Variants in C17orf67 observed in about 807,000 individuals in gnomAD.
C17orf67 encodes the protein uncharacterized protein C17orf67.
Under a neutral mutation model 11.2 loss-of-function variants are expected in C17orf67, and 12 were observed. The observed-to-expected ratio is 1.07, with a 90% CI of 0.68 to 1.73. The LOEUF (loss-of-function observed/expected upper bound fraction) is 1.73. C17orf67 is among the 40% of genes most tolerant of loss of function. The pLI is 0.00. For missense variants in C17orf67, 115 were observed against 113.5 expected (o/e 1.01, Z -0.06); for synonymous variants, 59 against 46.9 (o/e 1.26, Z -1.05).
At chr17:56,809,908 T>TACACACACCCTC (rs1905564654) in intron 6 of C17orf67, among the ~76,000 whole-genome samples, 1 of 81,464 alleles carries the variant, frequency 1.2e-5, no homozygotes, top group African/African-American at 4.9e-5. Context: ...CACACACCCT[T>TACACACACCCTC]ACACACACCC....
intron 6 of C17orf67, among the ~76,000 whole-genome samples, chr17:56,801,538 C>G (rs1191551451): frequency 2.0e-5 from 3 of 151,906 alleles, no homozygotes. Context: ...TTTCTTTCCC[C>G]CAAGACCCAT....
chr17:56,817,310 CTAA>C (rs1295354151), intron 4 of C17orf67, among the ~76,000 whole-genome samples: 3 of 152,132 alleles, frequency 2.0e-5, no homozygotes, highest in Non-Finnish European at 2.9e-5. Context: ...CAAATTTATG[CTAA>C]TGTGTAACTG....
At chr17:56,821,109 A>C (rs1413767975) in intron 4 of C17orf67, among the ~76,000 whole-genome samples, 1 of 151,916 alleles carries the variant, frequency 6.6e-6, no homozygotes, top group African/African-American at 2.4e-5. Context: ...TTATTTTAGA[A>C]ACAGGGTCTT....
In C17orf67 at chr17:56,825,239, A is replaced by G. The variant is rs552322075; in HGVS notation, c.-474T>C. On this transcript the variant is annotated 5_prime_UTR_variant, in exon 3 of 8. Coordinates refer to ENST00000397861, the MANE Select transcript of C17orf67 (RefSeq NM_001085430.4). ...CCCTAAATGGTTGAAGAGCATCACA[A>G]ACTTTGGCATCAGATAAACCTAAGT... is the stretch of plus-strand genomic sequence containing the variant. 2.6e-5 allele frequency: 4 copies of G among 152,190 alleles called. No individual in the cohort carries two copies. The East Asian group carries it at 5.8e-4, about 22-fold the overall frequency. The allele number at this position is 152,190 out of a possible 1,614,324, so 9.4% of individuals were successfully genotyped here. A position where few individuals can be genotyped will look rare whatever the true frequency, so the allele number is the denominator to read the frequency against.
At chr17:56,796,340 A>G (rs917588196) in intron 6 of C17orf67, among the ~76,000 whole-genome samples, 2 of 152,246 alleles carry the variant, frequency 1.3e-5, no homozygotes, top group Non-Finnish European at 2.9e-5. Context: ...CTACTTCCAT[A>G]TAATGGAATA....
chr17:56,799,856 ATCT>A (rs1905278005), intron 6 of C17orf67, among the ~76,000 whole-genome samples: 1 of 152,062 alleles, frequency 6.6e-6, no homozygotes, highest in African/African-American at 2.4e-5. Flanking sequence ...CCATCTGTAT[ATCT>A]TCTTCAGTAG....
intron 2 of C17orf67, 107 bp downstream of exon 2, chr17:56,832,791 T>C (rs1374174584): frequency 6.6e-6 from 1 of 152,222 alleles, no homozygotes; most frequent in East Asian, 1.9e-4. Context: ...AAAATCTGCT[T>C]TACCACTTTT....
chr17:56,805,215 C>T (rs895417554), intron 6 of C17orf67, among the ~76,000 whole-genome samples: 1 of 152,148 alleles, frequency 6.6e-6, no homozygotes, highest in African/African-American at 2.4e-5. Flanking sequence ...CTCTCAAAAA[C>T]GACATCATTT....
intron 2 of C17orf67, among the ~76,000 whole-genome samples, chr17:56,831,895 A>G (rs1906213545): frequency 6.6e-6 from 1 of 152,180 alleles, no homozygotes; most frequent in Admixed American, 6.5e-5. Flanking sequence ...TTCAGCAAAA[A>G]GGATCGGGTC....
intron 4 of C17orf67, among the ~76,000 whole-genome samples, chr17:56,818,320 A>G (rs1042655005): frequency 7.9e-5 from 12 of 152,224 alleles, no homozygotes; most frequent in Admixed American, 2.6e-4. Context: ...AACAAAATCT[A>G]TACTTAGCTA....
intron 6 of C17orf67, among the ~76,000 whole-genome samples, chr17:56,805,192 GC>G (rs539696734): frequency 2.0e-4 from 30 of 152,298 alleles, no homozygotes; most frequent in African/African-American, 7.2e-4. Context: ...CTAGGGGGAG[GC>G]ACCAGAAAGG....
At chr17:56,819,734 G>A (rs1204605465) in intron 4 of C17orf67, among the ~76,000 whole-genome samples, 1 of 152,132 alleles carries the variant, frequency 6.6e-6, no homozygotes, top group African/African-American at 2.4e-5. Context: ...TCACTCAGGC[G>A]GTGAGAATTC....
chr17:56,833,572 A>G (rs974059405), intron 1 of C17orf67, 46 bp downstream of exon 1: 1 of 150,544 alleles, frequency 6.6e-6, no homozygotes, highest in African/African-American at 2.4e-5. Flanking sequence ...GCCGCTCCGC[A>G]GCGGAGGAGC....
chr17:56,796,916 C>T (rs1158075179), intron 6 of C17orf67, among the ~76,000 whole-genome samples: 3 of 151,824 alleles, frequency 2.0e-5, no homozygotes, highest in Non-Finnish European at 4.4e-5. Flanking sequence ...AAGCCTTCAC[C>T]AGTGCTGTCT....
At chr17:56,821,698 G>A (rs537299881) in intron 4 of C17orf67, among the ~76,000 whole-genome samples, 1 of 152,332 alleles carries the variant, frequency 6.6e-6, no homozygotes, top group South Asian at 2.1e-4. Flanking sequence ...CAGGCATACT[G>A]TGCAGACATA....
intron 6 of C17orf67, among the ~76,000 whole-genome samples, chr17:56,811,488 T>G (rs1905624078): frequency 6.6e-6 from 1 of 152,000 alleles, no homozygotes. Context: ...ACTCTCTTCT[T>G]GCAGAGCCGC....
At chr17:56,817,856 A>ATT (rs11412722) in intron 4 of C17orf67, among the ~76,000 whole-genome samples, 42,305 of 149,090 alleles carry the variant, frequency 0.28, 6,645 homozygotes, top group Non-Finnish European at 0.37. Context: ...ATTTTAGAGC[A>ATT]TTTTTTTTTT....
chr17:56,802,195 A>G lies in C17orf67; in HGVS notation c.157-7015T>C, dbSNP rs766937256. Among the ~76,000 whole-genome samples, 59 of 152,172 alleles carry G rather than the reference A, an allele frequency of 3.9e-4. 1 individual carries two copies. Among genetic ancestry groups the G allele is most frequent in the South Asian group, 2.1e-4 (1 of 4,824 alleles). ...TGGGACCCAGATTAATTGTCGCCGT[A>G]GACTCCCTTGGCCTGTGGCTTCTGG... On this transcript the variant is annotated intron_variant, in intron 6 of 7. Coordinates refer to ENST00000397861, the MANE Select transcript of C17orf67 (RefSeq NM_001085430.4).
At chr17:56,818,701 A>G (rs1316757730) in intron 4 of C17orf67, among the ~76,000 whole-genome samples, 1 of 152,226 alleles carries the variant, frequency 6.6e-6, no homozygotes, top group Non-Finnish European at 1.5e-5. Context: ...GAAATATCCA[A>G]AATATTATTA....
Sources: allele counts gnomAD v4.1 joint callset (sites outside exome capture counted in the v4.1 genomes callset), GRCh38; gene constraint gnomAD v4.1.1; transcripts MANE v1.5; gene names NCBI Gene and HGNC (gene_info 2026-07-23, HGNC 2026-07-21).